Variants in NBEAL1 observed in about 807,000 individuals in gnomAD.
NBEAL1 encodes neurobeachin-like protein 1.
A neutral mutation model predicts 351.3 loss-of-function variants in NBEAL1; 273 were observed. That is an observed-to-expected ratio of 0.78 (90% CI 0.70 to 0.86). NBEAL1 has a LOEUF of 0.86. NBEAL1 is among the 40% of genes least tolerant of loss of function. The probability of loss-of-function intolerance (pLI) is 0.00; values close to 1 mark genes in which losing one functional copy is unlikely to be tolerated. For missense variants in NBEAL1, 2,961 were observed against 3,201.3 expected, an observed-to-expected ratio of 0.92 and a Z score of 1.81; for synonymous variants, 1,050 against 1,086.4, an observed-to-expected ratio of 0.97 and a Z score of 0.66.
intron 10 of NBEAL1, chr2:203,085,650 A>C (rs1283109379): frequency 1.3e-5 from 2 of 152,126 alleles, no homozygotes; most frequent in Non-Finnish European, 2.9e-5. Flanking sequence ...CAAATATGTG[A>C]TATGTTTGTA....
intron 7 of NBEAL1, among the ~76,000 whole-genome samples, chr2:203,072,111 G>A (rs1191261255): frequency 6.6e-6 from 1 of 152,162 alleles, no homozygotes; most frequent in Admixed American, 6.5e-5. Context: ...CTGGATCTTT[G>A]GTGGGAATGG....
At position 203,127,943 on chromosome 2, in the gene NBEAL1, A is replaced by G. The variant is rs757677161; in HGVS notation, c.3405+6A>G. On this transcript the variant is annotated splice_donor_region_variant and intron_variant, in intron 24 of 55. Coordinates refer to ENST00000683969, the MANE Select transcript of NBEAL1 (RefSeq NM_001378026.1). The stretch of plus-strand genomic sequence containing the variant: ...CTACTAATGAAGAAGAACAGGTATT[A>G]TGCCTAAGATACATCTACTTTTCCT... 6 of 1,542,754 alleles carry G rather than the reference A, an allele frequency of 3.9e-6. No individual in the cohort carries two copies. The South Asian group carries it at 6.0e-5, about 15-fold the overall frequency.
chr2:203,080,233 C>A (rs2061848617), intron 8 of NBEAL1, among the ~76,000 whole-genome samples: 1 of 151,616 alleles, frequency 6.6e-6, no homozygotes, highest in African/African-American at 2.4e-5. Flanking sequence ...CATGGTGAAA[C>A]CCTGTCTGTA....
chr2:203,135,335 A>T (rs1263880631), intron 27 of NBEAL1, among the ~76,000 whole-genome samples: 1 of 152,156 alleles, frequency 6.6e-6, no homozygotes, highest in Non-Finnish European at 1.5e-5. Flanking sequence ...TATTTCCTGA[A>T]CAAATGTAGG....
At chr2:203,162,548 G>A (rs2063998629) in intron 36 of NBEAL1, among the ~76,000 whole-genome samples, 1 of 151,850 alleles carries the variant, frequency 6.6e-6, no homozygotes, top group Non-Finnish European at 1.5e-5. Context: ...CTCCAGACCA[G>A]CCTGGACAAC....
chr2:203,186,396 CTTA>C (rs1481116049), intron 44 of NBEAL1, among the ~76,000 whole-genome samples: 1 of 152,172 alleles, frequency 6.6e-6, no homozygotes, highest in Admixed American at 6.5e-5. Flanking sequence ...GATAAGAGAA[CTTA>C]TAAACAGACA....
intron 33 of NBEAL1, among the ~76,000 whole-genome samples, chr2:203,147,159 A>G (rs1433453403): frequency 6.6e-6 from 1 of 152,180 alleles, no homozygotes; most frequent in Admixed American, 6.5e-5. Context: ...CACAAATCTT[A>G]GCAAGTATAG....
chr2:203,141,337 G>A (rs1489282113), intron 31 of NBEAL1, among the ~76,000 whole-genome samples: 1 of 77,214 alleles, frequency 1.3e-5, no homozygotes, highest in African/African-American at 4.5e-5. Context: ...CTACAGATAA[G>A]ACAGATTATT....
At chr2:203,070,455 C>T (rs1379924831) in intron 7 of NBEAL1, among the ~76,000 whole-genome samples, 2 of 149,808 alleles carry the variant, frequency 1.3e-5, no homozygotes, top group African/African-American at 2.5e-5. Flanking sequence ...CCTTAAACTC[C>T]TGGGCTCAAG....
chr2:203,192,941 T>C (rs915851675), intron 46 of NBEAL1, among the ~76,000 whole-genome samples: 8 of 150,978 alleles, frequency 5.3e-5, no homozygotes, highest in Admixed American at 5.3e-4. Flanking sequence ...ATTCTGACAG[T>C]ATTGACTTTT....
At chr2:203,121,451 G>A (rs369272739) in intron 18 of NBEAL1, among the ~76,000 whole-genome samples, 10 of 152,070 alleles carry the variant, frequency 6.6e-5, no homozygotes, top group African/African-American at 2.4e-4. Flanking sequence ...TCAGGAGTTC[G>A]AGACCAGCCT....
chr2:203,080,565 C>T (rs1052291131), intron 8 of NBEAL1, among the ~76,000 whole-genome samples: 2 of 151,638 alleles, frequency 1.3e-5, no homozygotes, highest in African/African-American at 2.4e-5. Context: ...CCTTTTTACT[C>T]TTGTACCTTG....
chr2:203,075,770 G>A (rs897928111), intron 7 of NBEAL1, among the ~76,000 whole-genome samples: 5 of 152,156 alleles, frequency 3.3e-5, no homozygotes, highest in African/African-American at 1.2e-4. Context: ...AGGAATCTGT[G>A]GTGTGATCCT....
At chr2:203,037,006 T>C (rs1261810387) in intron 2 of NBEAL1, among the ~76,000 whole-genome samples, 1 of 149,206 alleles carries the variant, frequency 6.7e-6, no homozygotes, top group African/African-American at 2.4e-5. Flanking sequence ...CACATTCTAG[T>C]TGGACATGTA....
At chr2:203,075,528 G>T (rs938429067) in intron 7 of NBEAL1, among the ~76,000 whole-genome samples, 1 of 152,222 alleles carries the variant, frequency 6.6e-6, no homozygotes, top group Non-Finnish European at 1.5e-5. Flanking sequence ...TGCCGATCTT[G>T]TGGGCTATCA....
chr2:203,075,864 G>A (rs1381689715), intron 7 of NBEAL1, among the ~76,000 whole-genome samples: 1 of 152,144 alleles, frequency 6.6e-6, no homozygotes, highest in Non-Finnish European at 1.5e-5. Flanking sequence ...TTTTCTAGTT[G>A]TTTATAGCTG....
intron 49 of NBEAL1, among the ~76,000 whole-genome samples, chr2:203,200,536 A>G (rs749431078): frequency 6.6e-6 from 1 of 151,140 alleles, no homozygotes; most frequent in Non-Finnish European, 1.5e-5. Context: ...AAAAATAAAA[A>G]TACAAAAATT....
chr2:203,166,067 T>G lies in NBEAL1; in HGVS notation c.5715-82T>G, dbSNP rs1029021205. On this transcript the variant is annotated intron_variant, in intron 36 of 55. Transcript: ENST00000683969. ...CTCAAAAAAAAGAAAAAAAAGAGAT[T>G]ATATTTAAATGTGGCATTCTTTTCT... 4.0e-6 allele frequency: 5 copies of G among 1,264,010 alleles called. No homozygotes were observed. In the African/African-American group the frequency reaches 7.9e-5, roughly 20 times the overall value. 78.3% of individuals were successfully genotyped at this position (1,264,010 alleles called of 1,614,324 possible).
intron 2 of NBEAL1, among the ~76,000 whole-genome samples, chr2:203,019,485 G>C (rs561130857): frequency 6.6e-6 from 1 of 152,214 alleles, no homozygotes; most frequent in African/African-American, 2.4e-5. Flanking sequence ...AGTGTCTGCT[G>C]TTTTGTTGCC....
Sources: allele counts gnomAD v4.1 joint callset (sites outside exome capture counted in the v4.1 genomes callset), GRCh38; gene constraint gnomAD v4.1.1; transcripts MANE v1.5; gene names NCBI Gene and HGNC (gene_info 2026-07-23, HGNC 2026-07-21).